Variants in FARP2 observed in about 807,000 individuals in gnomAD.
The protein encoded by FARP2 is FERM, ARH/RhoGEF and pleckstrin domain protein 2.
A neutral mutation model predicts 130.5 loss-of-function variants in FARP2; 111 were observed. That is an observed-to-expected ratio of 0.85 (90% confidence interval 0.73 to 1.00). The LOEUF (loss-of-function observed/expected upper bound fraction) is 1.00. FARP2 is among the 50% of genes least tolerant of loss of function. FARP2 has a pLI of 0.00. For missense variants in FARP2, 1,385 were observed against 1,346.3 expected, an observed-to-expected ratio of 1.03 and a Z score of -0.45; for synonymous variants, 504 against 516.9, an observed-to-expected ratio of 0.98 and a Z score of 0.34.
chr2:241,423,573 C>T (rs1420487234), intron 8 of FARP2, among the ~76,000 whole-genome samples: 1 of 152,192 alleles, frequency 6.6e-6, no homozygotes, highest in Non-Finnish European at 1.5e-5. Flanking sequence ...AAATAACCAG[C>T]TAGGACCATG....
chr2:241,493,144 C>T, intron 25 of FARP2, 108 bp downstream of exon 25: 3 of 1,142,222 alleles, frequency 2.6e-6, no homozygotes, highest in Non-Finnish European at 3.9e-6. Context: ...CCATGCTTTG[C>T]CCACACACCC....
intron 1 of FARP2, among the ~76,000 whole-genome samples, chr2:241,368,428 G>C (rs2061359853): frequency 6.6e-6 from 1 of 152,110 alleles, no homozygotes; most frequent in Non-Finnish European, 1.5e-5. Flanking sequence ...ACTGTTCATG[G>C]CCTTGCCGTG....
At chr2:241,391,494 C>G (rs2061902811) in intron 2 of FARP2, among the ~76,000 whole-genome samples, 1 of 152,182 alleles carries the variant, frequency 6.6e-6, no homozygotes, top group Non-Finnish European at 1.5e-5. Context: ...GATGGCAATC[C>G]CCTCCACATT....
chr2:241,435,817 A>G (rs950034974), intron 11 of FARP2, among the ~76,000 whole-genome samples: 2 of 148,668 alleles, frequency 1.3e-5, no homozygotes, highest in East Asian at 4.0e-4. Context: ...GGCCTGTAAT[A>G]TTTTTATATA....
intron 19 of FARP2, among the ~76,000 whole-genome samples, chr2:241,476,214 TA>T (rs57746386): frequency 0.3 from 32,341 of 108,188 alleles, 4,538 homozygotes; most frequent in Admixed American, 0.43. Flanking sequence ...TTCTATGAAT[TA>T]AAAAAAAAAA....
chr2:241,448,017 T>C (rs1300146620), intron 13 of FARP2, among the ~76,000 whole-genome samples: 5 of 151,666 alleles, frequency 3.3e-5, no homozygotes, highest in Non-Finnish European at 7.4e-5. Flanking sequence ...AGTAAGCCCT[T>C]CCTGGAGCTC....
At chr2:241,460,857 A>G (rs922440830) in intron 14 of FARP2, among the ~76,000 whole-genome samples, 8 of 152,174 alleles carry the variant, frequency 5.3e-5, no homozygotes, top group Non-Finnish European at 8.8e-5. Flanking sequence ...ACAGCAGTGG[A>G]CGTGTGCAGG....
intron 2 of FARP2, among the ~76,000 whole-genome samples, chr2:241,375,763 C>CTTT (rs998525284): frequency 6.9e-6 from 1 of 145,846 alleles, no homozygotes; most frequent in Non-Finnish European, 1.5e-5. Flanking sequence ...GGATGGGGTA[C>CTTT]TTTTTTTTTT....
intron 8 of FARP2, among the ~76,000 whole-genome samples, chr2:241,431,215 A>G (rs555858445): frequency 2.1e-4 from 32 of 152,172 alleles, no homozygotes; most frequent in Non-Finnish European, 5.9e-5. Context: ...ATCTTTTTCC[A>G]TCTCTTTGAA....
chr2:241,468,495 G>A, intron 18 of FARP2, 118 bp downstream of exon 18: 1 of 729,160 alleles, frequency 1.4e-6, no homozygotes. Flanking sequence ...CACCCCATTA[G>A]GGCCTGGACC....
intron 2 of FARP2, among the ~76,000 whole-genome samples, chr2:241,394,482 C>G (rs1312930628): frequency 6.7e-6 from 1 of 149,256 alleles, no homozygotes; most frequent in African/African-American, 2.5e-5. Flanking sequence ...CGCGCCACTG[C>G]ACTCCAGCCT....
At chr2:241,490,990 G>C (rs1054024700) in intron 22 of FARP2, 71 bp from the exon 23 acceptor site, 2 of 1,190,430 alleles carry the variant, frequency 1.7e-6, no homozygotes, top group Non-Finnish European at 2.5e-6. Context: ...CTGACGGCTC[G>C]CCCTCCCTTG....
chr2:241,375,399 T>A (rs2061513514), intron 2 of FARP2, among the ~76,000 whole-genome samples: 1 of 151,970 alleles, frequency 6.6e-6, no homozygotes, highest in African/African-American at 2.4e-5. Flanking sequence ...AGGTTTACTT[T>A]TAGAGTGTCT....
Position 241,491,548 on chromosome 2 carries a change from T to G in FARP2, c.2656T>G (p.Ser886Ala). 6.2e-7 allele frequency: 1 copy of G among 1,613,346 alleles called. No homozygotes were observed. The part of the protein sequence containing the change: ...SPNEVSLEQE[S>A]EDDARGVRSS... ...CAACGAGGTATCTCTGGAGCAGGAG[T>G]CAGAAGATGATGCTCGGGGTGTCCG... Residue 886 changes from serine (S) to alanine (A), a missense_variant, in exon 24 of 27, where the codon TCA becomes GCA. Physicochemically the swap from Ser to Ala is moderately conservative, Grantham distance 99 (BLOSUM62 1). Transcript: ENST00000264042.
rs59465887 is a variant in FARP2, at chr2:241,434,850, A to ATG, written c.1032-106_1032-105dup. On this transcript the variant is annotated intron_variant, in intron 10 of 26. Coordinates refer to ENST00000264042, the MANE Select transcript of FARP2 (RefSeq NM_014808.4). Reference sequence around the variant, plus strand: ...GACTCAGTCTCAAAAAATAAAATATATGTGTGTATATTTATGAGAGAGGAT... The same window carrying ATG: ...GACTCAGTCTCAAAAAATAAAATATATGTGTGTGTATATTTATGAGAGAGGAT... The ATG allele has an allele frequency of 2.5e-3, 1,771 of 720,318 alleles. 21 individuals are homozygous for ATG. In the African/African-American group the frequency reaches 0.029, roughly 12 times the overall value. The allele number at this position is 720,318 out of a possible 1,614,324, so 44.6% of individuals were successfully genotyped here. A position where few individuals can be genotyped will look rare whatever the true frequency, so the allele number is the denominator to read the frequency against.
intron 17 of FARP2, chr2:241,466,693 C>CTG: frequency 1.5e-6 from 1 of 674,110 alleles, no homozygotes; most frequent in Non-Finnish European, 1.8e-6. Context: ...CCAACCACCC[C>CTG]CCCCCCCACC....
intron 23 of FARP2, 74 bp from the exon 24 acceptor site, chr2:241,491,442 C>A: frequency 6.5e-7 from 1 of 1,543,736 alleles, no homozygotes; most frequent in South Asian, 1.1e-5. Context: ...CCGAGAGGAA[C>A]CCAAGGGGTG....
intron 15 of FARP2, 128 bp downstream of exon 15, chr2:241,462,740 A>C (rs1559795233): frequency 1.5e-5 from 10 of 653,630 alleles, no homozygotes; most frequent in Middle Eastern, 3.5e-4. Flanking sequence ...CCCAGGCTGG[A>C]GTGCGGTGGC....
At chr2:241,456,709 T>G in intron 13 of FARP2, 38 bp from the exon 14 acceptor site, 5 of 1,610,794 alleles carry the variant, frequency 3.1e-6, no homozygotes, top group Non-Finnish European at 4.2e-6. Context: ...CAGCCCTTTC[T>G]CATTTCTCGC....
Sources: gnomAD v4.1 joint callset for allele counts (sites outside exome capture counted in the v4.1 genomes callset) on GRCh38, gnomAD v4.1.1 for gene constraint, MANE v1.5 for transcripts, NCBI Gene and HGNC (gene_info 2026-07-23, HGNC 2026-07-21) for gene names.